PI4K2B: variants seen among roughly 807,000 people sequenced by gnomAD.
PI4K2B encodes phosphatidylinositol 4-kinase type 2-beta.
PI4K2B carries 46 observed loss-of-function variants against 56.6 expected under a neutral mutation model. The ratio of observed to expected loss-of-function variants is 0.81; its 90% CI spans 0.64 to 1.04. PI4K2B has a LOEUF of 1.04. Among genes scored for constraint, PI4K2B ranks in the 50% least tolerant of loss-of-function variants. PI4K2B has a pLI of 0.00. For missense variants in PI4K2B, 556 were observed against 607.7 expected (o/e 0.91, Z 0.89); for synonymous variants, 211 against 223.8 (o/e 0.94, Z 0.51).
At chr4:25,260,629 TATATATATATATAC>T (rs772263849) in intron 6 of PI4K2B, 38 bp downstream of exon 6, 16,402 of 199,782 alleles carry the variant, frequency 0.082, 248 homozygotes, top group African/African-American at 0.18. Context: ...TATATATATA[TATATATATATATAC>T]ACACACACAC....
intron 6 of PI4K2B, among the ~76,000 whole-genome samples, chr4:25,260,873 T>G (rs1178706273): frequency 1.4e-5 from 2 of 144,868 alleles, no homozygotes; most frequent in Non-Finnish European, 3.0e-5. Flanking sequence ...TTCTTGATTT[T>G]TTTTTTTTTT....
At position 25,269,150 on chromosome 4, in the gene PI4K2B, A is replaced by G; in HGVS notation, c.1219A>G (p.Lys407Glu). 6.4e-7 allele frequency: 1 copy of G among 1,566,386 alleles called. No homozygotes were observed. Residue 407 changes from lysine to glutamate, a missense_variant, in exon 9 of 10, where the codon AAA becomes GAA. Physicochemically the swap from Lys to Glu is moderately conservative, Grantham distance 56. Coordinates refer to ENST00000264864, the MANE Select transcript of PI4K2B (RefSeq NM_018323.4). ...TTTTTCCTTTCTATAATAGACTGACAAAGGATTTGACAAAGCCACTTTTGA... is the reference window on the plus strand; with the variant it reads ...TTTTTCCTTTCTATAATAGACTGACGAAGGATTTGACAAAGCCACTTTTGA... ...EDLYELFKTD[K>E]GFDKATFESQ...
chr4:25,254,792 G>T (rs893518559), intron 2 of PI4K2B, among the ~76,000 whole-genome samples: 1 of 152,168 alleles, frequency 6.6e-6, no homozygotes, highest in Non-Finnish European at 1.5e-5. Context: ...GTGGCATGGG[G>T]TCTTGGAGCC....
chr4:25,240,891 G>A (rs1715488892), intron 1 of PI4K2B, among the ~76,000 whole-genome samples: 1 of 151,632 alleles, frequency 6.6e-6, no homozygotes, highest in South Asian at 2.1e-4. Context: ...TTGTCTCTCT[G>A]TTTCTGTCTC....
Position 25,252,307 on chromosome 4 carries a change from T to G in PI4K2B, c.269-14T>G. The G allele has an allele frequency of 6.3e-7, 1 of 1,598,452 alleles. No homozygotes were observed. Among genetic ancestry groups the G allele is most frequent in the Non-Finnish European group, 8.6e-7 (1 of 1,167,190 alleles). ...CATGAGCATTCTCATAGCTGGTATT[T>G]CTTCTTAATGCAGTAACTATTGGTA... is the stretch of plus-strand genomic sequence containing the variant. On this transcript the variant is annotated splice_polypyrimidine_tract_variant and intron_variant, in intron 1 of 9. Coordinates refer to ENST00000264864, the MANE Select transcript of PI4K2B (RefSeq NM_018323.4).
chr4:25,255,192 A>G lies in PI4K2B; in HGVS notation c.551A>G (p.Gln184Arg), dbSNP rs1716214956. 6.2e-7 allele frequency: 1 copy of G among 1,614,158 alleles called. No homozygotes were observed. The highest frequency in any genetic ancestry group is 1.7e-5 in the Admixed American group (1 of 60,024). The change falls in exon 3 of 10, where the codon CAG becomes CGG. Residue 184 changes from glutamine to arginine, a missense_variant. Coordinates refer to ENST00000264864, the MANE Select transcript of PI4K2B (RefSeq NM_018323.4). ...GGCCGAGGCTGCCTGATTCCTAATC[A>G]GGGGTACCTTTCCGAAGCGGGTGCC... is the stretch of plus-strand genomic sequence containing the variant. ...CFGRGCLIPN[Q>R]GYLSEAGAYL...
At chr4:25,248,961 C>T (rs999844280) in intron 1 of PI4K2B, among the ~76,000 whole-genome samples, 2 of 151,922 alleles carry the variant, frequency 1.3e-5, no homozygotes, top group East Asian at 1.9e-4. Context: ...GCCCTGCCGC[C>T]TTCCGCAGTG....
intron 1 of PI4K2B, among the ~76,000 whole-genome samples, chr4:25,247,459 C>T (rs1715837835): frequency 6.6e-6 from 1 of 152,238 alleles, no homozygotes; most frequent in African/African-American, 2.4e-5. Flanking sequence ...AGATGGATGC[C>T]TGTTCACCTG....
At chr4:25,247,705 A>T (rs954044571) in intron 1 of PI4K2B, among the ~76,000 whole-genome samples, 3 of 151,764 alleles carry the variant, frequency 2.0e-5, no homozygotes, top group African/African-American at 7.3e-5. Context: ...TGAACACCTC[A>T]AGTTTCTTTT....
intron 9 of PI4K2B, chr4:25,276,226 G>A (rs1717087402): frequency 6.2e-6 from 1 of 161,186 alleles, no homozygotes; most frequent in Non-Finnish European, 1.3e-5. Context: ...CCTGAACAGA[G>A]ACCAGAATAA....
chr4:25,246,320 C>G (rs1715778374), intron 1 of PI4K2B, among the ~76,000 whole-genome samples: 1 of 152,128 alleles, frequency 6.6e-6, no homozygotes, highest in African/African-American at 2.4e-5. Flanking sequence ...GCCGATTGGT[C>G]TGTTTTACAG....
chr4:25,262,509 C>T (rs1447095822), intron 6 of PI4K2B, among the ~76,000 whole-genome samples: 4 of 152,102 alleles, frequency 2.6e-5, no homozygotes, highest in South Asian at 4.1e-4. Context: ...ATAAAGTTGG[C>T]GTACCTCACA....
Position 25,255,053 on chromosome 4 carries a change from T to A in PI4K2B, c.424-12T>A, listed in dbSNP as rs1053672477. 6 of 1,591,540 alleles carry A rather than the reference T, an allele frequency of 3.8e-6. No homozygotes were observed. Among genetic ancestry groups the A allele is most frequent in the Non-Finnish European group, 4.3e-6 (5 of 1,160,376 alleles). ...TAAAAAGTCTAATAAGATTTTTACTTTTTTGCTCTAGAAAATTATTGGTGT... is the reference window on the plus strand; with the variant it reads ...TAAAAAGTCTAATAAGATTTTTACTATTTTGCTCTAGAAAATTATTGGTGT... On this transcript the variant is annotated splice_polypyrimidine_tract_variant and intron_variant, in intron 2 of 9. Coordinates refer to ENST00000264864, the MANE Select transcript of PI4K2B (RefSeq NM_018323.4).
At chr4:25,242,337 C>T (rs538069779) in intron 1 of PI4K2B, among the ~76,000 whole-genome samples, 30 of 152,346 alleles carry the variant, frequency 2.0e-4, no homozygotes, top group African/African-American at 6.7e-4. Flanking sequence ...GGGCCAGTGC[C>T]TGACTAAACA....
intron 4 of PI4K2B, 93 bp downstream of exon 4, chr4:25,256,767 T>C: frequency 2.6e-6 from 3 of 1,154,194 alleles, no homozygotes; most frequent in African/African-American, 3.1e-5. Context: ...GCTGTGGATA[T>C]TATAGCACAG....
chr4:25,269,388 G>T (rs1383126095), intron 9 of PI4K2B, among the ~76,000 whole-genome samples, 185 bp downstream of exon 9: 2 of 152,150 alleles, frequency 1.3e-5, no homozygotes, highest in Admixed American at 6.5e-5. Flanking sequence ...TGTAATCCCA[G>T]TGCTTTGGGA....
In PI4K2B at chr4:25,234,188, C is replaced by G; in HGVS notation, c.25C>G (p.Arg9Gly). Residue 9 changes from arginine to glycine, a missense_variant, in exon 1 of 10, where the codon CGG (arginine) becomes GGG (glycine). Arg to Gly is a moderately radical substitution (Grantham distance 125). Transcript: ENST00000264864. Reference sequence around the variant, plus strand: ...CATGGAGGATCCCTCCGAGCCCGACCGGTTGGCGTCCGCGGACGGCGGGAG... The same window carrying G: ...CATGGAGGATCCCTCCGAGCCCGACGGGTTGGCGTCCGCGGACGGCGGGAG... MEDPSEPD[R>G]LASADGGSPE... 1 of 1,400,880 alleles carries G rather than the reference C, an allele frequency of 7.1e-7. No individual in the cohort carries two copies. The highest frequency in any genetic ancestry group is 1.6e-5 in the South Asian group (1 of 63,540). 86.8% of individuals were successfully genotyped at this position (1,400,880 alleles called of 1,614,324 possible).
intron 9 of PI4K2B, among the ~76,000 whole-genome samples, chr4:25,274,044 C>A (rs570375512): frequency 1.4e-3 from 208 of 152,270 alleles, no homozygotes; most frequent in African/African-American, 4.9e-3. Context: ...TTCCTAAACT[C>A]CTCCTGTTCT....
intron 1 of PI4K2B, among the ~76,000 whole-genome samples, chr4:25,242,508 C>T (rs1715568956): frequency 6.6e-6 from 1 of 152,172 alleles, no homozygotes; most frequent in Non-Finnish European, 1.5e-5. Context: ...ATTCTGCTTC[C>T]TCCGGTATTT....
Sources: gnomAD v4.1 joint callset for allele counts (sites outside exome capture counted in the v4.1 genomes callset) on GRCh38, gnomAD v4.1.1 for gene constraint, MANE v1.5 for transcripts, NCBI Gene and HGNC (gene_info 2026-07-23, HGNC 2026-07-21) for gene names.